Variants in FAM114A1 observed in about 807,000 individuals in gnomAD.
FAM114A1 encodes family with sequence similarity 114 member A1.
A neutral mutation model predicts 64.3 loss-of-function variants in FAM114A1; 62 were observed. That is an observed-to-expected ratio of 0.96 (90% CI 0.79 to 1.19). The LOEUF (loss-of-function observed/expected upper bound fraction) is 1.19, where lower values mean the gene tolerates loss of function less well. FAM114A1 is among the 50% of genes most tolerant of loss of function. The probability of loss-of-function intolerance (pLI) is 0.00; values close to 1 mark genes in which losing one functional copy is unlikely to be tolerated. For synonymous variants in FAM114A1, 254 were observed against 251.1 expected (o/e 1.01, Z -0.11); for missense variants, 645 against 676.3 (o/e 0.95, Z 0.51).
intron 3 of FAM114A1, among the ~76,000 whole-genome samples, chr4:38,882,108 C>T (rs185804954): frequency 0.027 from 4,014 of 149,846 alleles, 146 homozygotes; most frequent in African/African-American, 0.085. Context: ...GTCAGGAGAT[C>T]GAGACCATCC....
chr4:38,898,920 A>G (rs898324210), intron 4 of FAM114A1, among the ~76,000 whole-genome samples: 9 of 147,606 alleles, frequency 6.1e-5, no homozygotes, highest in Admixed American at 4.1e-4. Context: ...AGTAATATAT[A>G]TGTTATATAT....
intron 3 of FAM114A1, among the ~76,000 whole-genome samples, chr4:38,881,358 A>G (rs1236965508): frequency 6.6e-6 from 1 of 152,154 alleles, no homozygotes; most frequent in Admixed American, 6.5e-5. Context: ...ACCCCCTACA[A>G]CACTGACAGC....
At chr4:38,898,319 C>T (rs1043720076) in intron 4 of FAM114A1, among the ~76,000 whole-genome samples, 1 of 152,126 alleles carries the variant, frequency 6.6e-6, no homozygotes, top group Non-Finnish European at 1.5e-5. Flanking sequence ...CTTACTCATC[C>T]TCTCCCAAGG....
At chr4:38,877,791 C>T (rs535614234) in intron 2 of FAM114A1, among the ~76,000 whole-genome samples, 12 of 152,044 alleles carry the variant, frequency 7.9e-5, no homozygotes, top group Non-Finnish European at 1.3e-4. Context: ...ATGGAAAAAC[C>T]CCGTTTCTAC....
intron 4 of FAM114A1, among the ~76,000 whole-genome samples, chr4:38,904,452 T>C (rs1243816032): frequency 6.6e-6 from 1 of 152,234 alleles, no homozygotes; most frequent in Non-Finnish European, 1.5e-5. Flanking sequence ...ATTTACCAAA[T>C]AGTTATTGAA....
chr4:38,915,414 C>T (rs1001687795), intron 8 of FAM114A1, among the ~76,000 whole-genome samples: 6 of 152,188 alleles, frequency 3.9e-5, no homozygotes, highest in African/African-American at 1.4e-4. Flanking sequence ...GTCAGAGATG[C>T]CCTGCCAGCC....
chr4:38,895,429 C>T (rs550167968), intron 4 of FAM114A1, among the ~76,000 whole-genome samples: 1 of 152,278 alleles, frequency 6.6e-6, no homozygotes, highest in East Asian at 1.9e-4. Flanking sequence ...TTAGTTCAGG[C>T]GCACTAAGGA....
intron 9 of FAM114A1, chr4:38,929,030 C>T (rs1720394734): frequency 1.9e-6 from 1 of 527,268 alleles, no homozygotes; most frequent in Admixed American, 3.1e-5. Context: ...TGCCAAACAG[C>T]AAGACTTCAG....
chr4:38,928,503 T>C (rs1720346065), intron 9 of FAM114A1, among the ~76,000 whole-genome samples: 1 of 152,110 alleles, frequency 6.6e-6, no homozygotes, highest in Admixed American at 6.6e-5. Flanking sequence ...GTTATATATA[T>C]TAATATATCA....
rs1354808681 is a variant in FAM114A1, at chr4:38,912,038, T to A, written c.793-2883T>A. Among the ~76,000 whole-genome samples, 39 of 151,984 alleles carry A rather than the reference T, an allele frequency of 2.6e-4. 1 individual carries two copies. Among genetic ancestry groups the A allele is most frequent in the Non-Finnish European group, 1.5e-5 (1 of 67,952 alleles). On this transcript the variant is annotated intron_variant, in intron 7 of 14. Coordinates refer to ENST00000358869, the MANE Select transcript of FAM114A1 (RefSeq NM_138389.4). ...ACCACGCCCGGCTAATTTTTGTATT[T>A]TTAGTAGAGACGGGGTTTCACCATG...
At chr4:38,900,234 A>C (rs537263202) in intron 4 of FAM114A1, among the ~76,000 whole-genome samples, 2,673 of 152,126 alleles carry the variant, frequency 0.018, 91 homozygotes, top group African/African-American at 0.06. Flanking sequence ...TTAAAAAAAA[A>C]AAACAGAAAA....
chr4:38,919,369 T>C (rs1324221122), intron 8 of FAM114A1, among the ~76,000 whole-genome samples: 4 of 152,206 alleles, frequency 2.6e-5, no homozygotes, highest in Admixed American at 2.0e-4. Context: ...GGGAACGTTA[T>C]GTGGCTGTGG....
chr4:38,914,629 G>C (rs1409060812), intron 7 of FAM114A1: 1 of 280,962 alleles, frequency 3.6e-6, no homozygotes, highest in Non-Finnish European at 6.6e-6. Context: ...AAACGCCTCA[G>C]TGGAAACCAC....
chr4:38,942,527 A>G (rs962295151), intron 14 of FAM114A1, among the ~76,000 whole-genome samples: 3 of 152,196 alleles, frequency 2.0e-5, no homozygotes, highest in African/African-American at 7.2e-5. Context: ...TATGAGAAAT[A>G]TGAGGTCAAA....
At chr4:38,868,981 T>G (rs1337723765) in intron 2 of FAM114A1, among the ~76,000 whole-genome samples, 2 of 152,150 alleles carry the variant, frequency 1.3e-5, no homozygotes, top group African/African-American at 4.8e-5. Context: ...CAGAAGGAAT[T>G]TGAGGGTTGG....
At chr4:38,931,977 G>T (rs1296718372) in intron 11 of FAM114A1, among the ~76,000 whole-genome samples, 1 of 152,174 alleles carries the variant, frequency 6.6e-6, no homozygotes, top group Non-Finnish European at 1.5e-5. Context: ...TTTAGCACCT[G>T]CCTGTTTTGT....
In FAM114A1 at chr4:38,914,957, C is replaced by A; in HGVS notation, c.829C>A (p.Leu277Met). ...AGCTAAGGAGAAGGAGAAGCAGAGACTGGCACAGCAGCTCACGATGGAGAG... is the reference window on the plus strand; with the variant it reads ...AGCTAAGGAGAAGGAGAAGCAGAGAATGGCACAGCAGCTCACGATGGAGAG... ...REAKEKEKQR[L>M]AQQLTMERTA... Residue 277 changes from leucine (L) to methionine (M), a missense_variant, in exon 8 of 15, where the codon CTG (leucine) becomes ATG (methionine). By Grantham distance (15) the Leu-to-Met change is conservative. Coordinates refer to ENST00000358869, the MANE Select transcript of FAM114A1 (RefSeq NM_138389.4). The A allele has an allele frequency of 2.5e-6, 4 of 1,614,114 alleles. No individual in the cohort carries two copies. Among genetic ancestry groups the A allele is most frequent in the Non-Finnish European group, 3.4e-6 (4 of 1,180,010 alleles).
intron 7 of FAM114A1, among the ~76,000 whole-genome samples, chr4:38,909,547 A>T (rs61423750): frequency 0.49 from 75,053 of 152,026 alleles, 21,010 homozygotes; most frequent in African/African-American, 0.76. Context: ...AAATAATATT[A>T]GTCTTGTTTT....
chr4:38,925,768 ATCT>A (rs932687876), intron 9 of FAM114A1, among the ~76,000 whole-genome samples: 12 of 152,176 alleles, frequency 7.9e-5, no homozygotes, highest in Admixed American at 7.9e-4. Flanking sequence ...TTCGGTGAAG[ATCT>A]TCTTGGCCAT....
Sources: gnomAD v4.1 joint callset for allele counts (sites outside exome capture counted in the v4.1 genomes callset) on GRCh38, gnomAD v4.1.1 for gene constraint, MANE v1.5 for transcripts, NCBI Gene and HGNC (gene_info 2026-07-23, HGNC 2026-07-21) for gene names.